Variants in HAS3 observed in about 807,000 individuals in gnomAD.
HAS3 encodes the protein hyaluronan synthase 3, also known as HA synthase 3.
A neutral mutation model predicts 50.3 loss-of-function variants in HAS3; 27 were observed. The ratio of observed to expected loss-of-function variants is 0.54; its 90% confidence interval spans 0.40 to 0.74. HAS3 has a LOEUF of 0.74. Among genes scored for constraint, HAS3 ranks in the 30% least tolerant of loss-of-function variants. The probability of loss-of-function intolerance (pLI) is 0.00; values close to 1 mark genes in which losing one functional copy is unlikely to be tolerated. For missense variants in HAS3, 517 were observed against 742.8 expected (o/e 0.70, Z 3.53); for synonymous variants, 339 against 310.9 (o/e 1.09, Z -0.95).
In HAS3 at chr16:69,107,372, A is replaced by G. The variant is rs1278469766; in HGVS notation, c.-1+1585A>G. 2 of 984,802 alleles carry G rather than the reference A, an allele frequency of 2.0e-6. No individual in the cohort carries two copies. Among genetic ancestry groups the G allele is most frequent in the Non-Finnish European group, 2.4e-6 (2 of 829,530 alleles). The allele number at this position is 984,802 out of a possible 1,614,324, so 61.0% of individuals were successfully genotyped here. ...CGGGGATGCGCCTTTGTCTACAGGC[A>G]CACTTTGCCAAGGTAGCTGGGGTAC... is the stretch of plus-strand genomic sequence containing the variant. On this transcript the variant is annotated intron_variant, in intron 1 of 3. Transcript: ENST00000569188. This position sits in a 1 kb window ranked among gnomAD's most constrained non-coding sequence, Gnocchi z 5.5.
chr16:69,117,222 C>T lies in HAS3; in HGVS notation c.*1956C>T, dbSNP rs1416155881. 8.1e-6 allele frequency: 8 copies of T among 985,638 alleles called. No individual in the cohort carries two copies. Among genetic ancestry groups the T allele is most frequent in the South Asian group, 9.4e-5 (2 of 21,290 alleles). The allele number at this position is 985,638 out of a possible 1,614,324, so 61.1% of individuals were successfully genotyped here. A position where few individuals can be genotyped will look rare whatever the true frequency, so the allele number is the denominator to read the frequency against. On this transcript the variant is annotated 3_prime_UTR_variant, in exon 4 of 4. Coordinates refer to ENST00000569188, the MANE Select transcript of HAS3 (RefSeq NM_001199280.2). ...TCAGCCAAGTGCAGAGTTCAGACTT[C>T]GCTAAGGGCTTGTTTTTCTTCAGCA...
the HAS3 span, among the ~76,000 whole-genome samples, chr16:69,100,450 G>T: frequency 1.3e-5 from 2 of 152,194 alleles, no homozygotes; most frequent in African/African-American, 4.8e-5. Context: ...AACTTGGAGG[G>T]TTGGAGGCAG....
chr16:69,086,080 C>T, the HAS3 span, among the ~76,000 whole-genome samples: 2 of 151,684 alleles, frequency 1.3e-5, no homozygotes, highest in South Asian at 4.2e-4. Context: ...GTTGCCCAGG[C>T]TTGTCTCAAA....
At chr16:69,099,920 T>A in the HAS3 span, among the ~76,000 whole-genome samples, 4 of 152,110 alleles carry the variant, frequency 2.6e-5, no homozygotes, top group African/African-American at 9.7e-5. Context: ...TCTCCAGGTC[T>A]GATTTGATAT....
chr16:69,088,710 C>T, the HAS3 span, among the ~76,000 whole-genome samples: 2 of 152,002 alleles, frequency 1.3e-5, no homozygotes, highest in East Asian at 3.8e-4. Context: ...ATTTGAATAA[C>T]GATCAGGTGA....
upstream of HAS3, among the ~76,000 whole-genome samples, chr16:69,103,005 G>A (rs1029500966): frequency 1.7e-4 from 16 of 94,640 alleles, no homozygotes; most frequent in African/African-American, 6.1e-4. Flanking sequence ...GAGTGTGCAT[G>A]TGTGTGTGTG....
the HAS3 span, among the ~76,000 whole-genome samples, chr16:69,099,932 C>T: frequency 6.6e-6 from 1 of 151,570 alleles, no homozygotes; most frequent in Non-Finnish European, 1.5e-5. Context: ...ATTTGATATT[C>T]GGTTATCGGT....
At chr16:69,083,743 T>TG in the HAS3 span, 1 of 1,460,990 alleles carries the variant, frequency 6.8e-7, no homozygotes, top group East Asian at 2.5e-5. Context: ...GTGGCCCTGC[T>TG]GCCTCTTGAG....
At chr16:69,087,179 C>T in the HAS3 span, among the ~76,000 whole-genome samples, 6 of 152,274 alleles carry the variant, frequency 3.9e-5, no homozygotes, top group East Asian at 3.9e-4. Context: ...TGCTTGGTCC[C>T]GTGCTGCCTC....
the HAS3 span, among the ~76,000 whole-genome samples, chr16:69,088,553 A>G: frequency 6.6e-4 from 96 of 144,486 alleles, no homozygotes; most frequent in African/African-American, 2.5e-3. Context: ...GCAAGACTCC[A>G]TCTCAAAAAA....
At chr16:69,085,525 G>A in the HAS3 span, among the ~76,000 whole-genome samples, 1 of 151,780 alleles carries the variant, frequency 6.6e-6, no homozygotes, top group African/African-American at 2.4e-5. Flanking sequence ...TCAGCCTCCT[G>A]AGTACCTGGG....
chr16:69,114,468 C>A lies in HAS3; in HGVS notation c.864C>A (p.Gly288=). ...GCVQCISGPL[G]MYRNSLLQQF... is the part of the protein sequence containing the mutation. ...TGCAGTGTATTAGTGGGCCCTTGGG[C>A]ATGTACCGCAACAGCCTCCTCCAGC... The change falls in exon 4 of 4, where the codon GGC becomes GGA. Residue 288 remains glycine (G), a synonymous_variant. Transcript: ENST00000569188. The surrounding 1 kb of genome is among the most constrained non-coding windows in gnomAD (Gnocchi z 6.4). The A allele has an allele frequency of 6.2e-7, 1 of 1,613,970 alleles. No homozygotes were observed. The highest frequency in any genetic ancestry group is 8.5e-7 in the Non-Finnish European group (1 of 1,179,922).
chr16:69,111,158 T>A (rs948951588), intron 2 of HAS3, among the ~76,000 whole-genome samples: 13 of 31,958 alleles, frequency 4.1e-4, no homozygotes, highest in Admixed American at 3.8e-3. Flanking sequence ...TAGGCCAGGA[T>A]TTTTTTTTTT....
upstream of HAS3, among the ~76,000 whole-genome samples, chr16:69,103,806 G>A (rs1358229029): frequency 6.6e-6 from 1 of 152,158 alleles, no homozygotes; most frequent in Non-Finnish European, 1.5e-5. Flanking sequence ...CTGCTGTCTG[G>A]TTTACTAACA....
the HAS3 span, among the ~76,000 whole-genome samples, chr16:69,086,891 C>G: frequency 6.6e-6 from 1 of 151,892 alleles, no homozygotes; most frequent in African/African-American, 2.4e-5. Context: ...GCAACAAGAG[C>G]GAAACTCTGT....
rs928652515 is a variant in HAS3 at position 69,106,241 on chromosome 16, G to T, written c.-1+454G>T. On this transcript the variant is annotated intron_variant, in intron 1 of 3. Coordinates refer to ENST00000569188, the MANE Select transcript of HAS3 (RefSeq NM_001199280.2). The surrounding 1 kb of genome is among the most constrained non-coding windows in gnomAD (Gnocchi z 5.5). ...GGCGGCAGTCGGAGCGCGCGGCGGC[G>T]CGGAGCGGAGCGGGAGGAGGGGCAT... The T allele has an allele frequency of 6.6e-6, 1 of 151,842 alleles. No homozygotes were observed. The highest frequency in any genetic ancestry group is 2.4e-5 in the African/African-American group (1 of 41,326). The allele number at this position is 151,842 out of a possible 1,614,324, so 9.4% of individuals were successfully genotyped here.
chr16:69,109,989 C>CAAGCG lies in HAS3; in HGVS notation c.595_596insAGCGA (p.Thr199LysfsTer42). 6.2e-7 allele frequency: 1 copy of CAAGCG among 1,613,168 alleles called. No homozygotes were observed. Among genetic ancestry groups the CAAGCG allele is most frequent in the Non-Finnish European group, 8.5e-7 (1 of 1,179,334 alleles). ...GGGGAGGCAAGCGCGAGGTCATGTA[C>CAAGCG]ACGGCCTTCAAGGCCCTCGGCGATT... On this transcript the variant is annotated frameshift_variant, in exon 2 of 4. Coordinates refer to ENST00000569188, the MANE Select transcript of HAS3 (RefSeq NM_001199280.2). LOFTEE classifies it high-confidence loss of function. The surrounding 1 kb of genome is among the most constrained non-coding windows in gnomAD (Gnocchi z 5.3).
At chr16:69,118,536 G>C (rs1961345872), downstream of HAS3, 1 of 907,080 alleles carries the variant, frequency 1.1e-6, no homozygotes. Flanking sequence ...CTGAGGAAAA[G>C]TCCACAAGAA....
rs1259635862 is a variant in HAS3 at position 69,105,789 on chromosome 16, T to A, written c.-1+2T>A. ...CTCTCAGCTCGCCTTCCTTGCAGGG[T>A]GAGTAGGTTTTGCGGGTTAGAGAGC... On this transcript the variant is annotated splice_donor_variant, in intron 1 of 3. Coordinates refer to ENST00000569188, the MANE Select transcript of HAS3 (RefSeq NM_001199280.2). LOFTEE classifies it low-confidence loss of function (5UTR_SPLICE). The A allele has an allele frequency of 1.3e-5, 2 of 151,496 alleles. No homozygotes were observed. Among genetic ancestry groups the A allele is most frequent in the East Asian group, 3.9e-4 (2 of 5,162 alleles). 9.4% of individuals were successfully genotyped at this position (151,496 alleles called of 1,614,324 possible). A position where few individuals can be genotyped will look rare whatever the true frequency, so the allele number is the denominator to read the frequency against.
Sources: gnomAD v4.1 joint callset for allele counts (sites outside exome capture counted in the v4.1 genomes callset) on GRCh38, gnomAD v4.1.1 for gene constraint, Gnocchi (gnomAD v3.1) non-coding constraint, MANE v1.5 for transcripts, NCBI Gene and HGNC (gene_info 2026-07-23, HGNC 2026-07-21) for gene names.